The following DUSP13B variants were observed in gnomAD, a reference collection of about 807,000 sequenced individuals.
DUSP13B encodes dual specificity phosphatase 13B, also known as dual specificity protein phosphatase 13B.
the DUSP13B span, chr10:75,097,684 C>A: frequency 2.0e-6 from 3 of 1,526,118 alleles, no homozygotes; most frequent in Non-Finnish European, 2.7e-6. Context: ...CTTCCGCCAT[C>A]CCCACTCCTA....
the DUSP13B span, among the ~76,000 whole-genome samples, chr10:75,102,162 A>T: frequency 0.18 from 27,657 of 152,200 alleles, 2,734 homozygotes; most frequent in East Asian, 0.24. Flanking sequence ...ACTGTGGCAT[A>T]TTGTGTACAT....
the DUSP13B span, chr10:75,102,044 C>T: frequency 1.5e-5 from 16 of 1,102,724 alleles, no homozygotes; most frequent in South Asian, 1.7e-4. Flanking sequence ...AACTTGTCCA[C>T]TGGTTCCATG....
chr10:75,106,101 C>CTT, the DUSP13B span, among the ~76,000 whole-genome samples: 9 of 123,020 alleles, frequency 7.3e-5, no homozygotes, highest in African/African-American at 9.6e-5. Context: ...TCTTTCTTTT[C>CTT]TTTTTTTTTT....
chr10:75,094,674 GA>G, the DUSP13B span: 1 of 1,613,376 alleles, frequency 6.2e-7, no homozygotes, highest in Non-Finnish European at 8.5e-7. Flanking sequence ...CTGCCTGCCA[GA>G]TCAGAACCGC....
At chr10:75,094,521 C>A in the DUSP13B span, 3 of 746,686 alleles carry the variant, frequency 4.0e-6, no homozygotes, top group South Asian at 5.6e-5. Context: ...GGAAATCCAC[C>A]CGCTAAGAGG....
chr10:75,101,844 C>G, the DUSP13B span: 978 of 1,362,642 alleles, frequency 7.2e-4, 1 homozygote, highest in East Asian at 9.1e-4. Flanking sequence ...CCTACCCCCC[C>G]CAAATTAGGA....
the DUSP13B span, chr10:75,098,937 C>T: frequency 1.5e-5 from 18 of 1,223,446 alleles, no homozygotes; most frequent in Non-Finnish European, 1.6e-5. Context: ...TTTGGGGCCT[C>T]CAGAGAGTGG....
chr10:75,102,842 C>G, the DUSP13B span, among the ~76,000 whole-genome samples: 1 of 152,148 alleles, frequency 6.6e-6, no homozygotes, highest in Non-Finnish European at 1.5e-5. Context: ...ATCCCAGCTA[C>G]TCGGGAGCCT....
chr10:75,099,572 G>C, the DUSP13B span: 47 of 1,211,580 alleles, frequency 3.9e-5, no homozygotes, highest in Non-Finnish European at 4.5e-5. Flanking sequence ...GGGCGCCCAT[G>C]GGGGGTGGGG....
At chr10:75,106,553 A>G in the DUSP13B span, among the ~76,000 whole-genome samples, 1 of 152,082 alleles carries the variant, frequency 6.6e-6, no homozygotes, top group African/African-American at 2.4e-5. Context: ...TTACCCATGG[A>G]TACCTTTGTA....
chr10:75,104,125 A>T, the DUSP13B span: 11 of 1,314,820 alleles, frequency 8.4e-6, no homozygotes, highest in South Asian at 1.3e-4. Context: ...TCTGTGTTAC[A>T]GGCAGGTGAA....
At chr10:75,094,699 C>G in the DUSP13B span, 8 of 1,614,098 alleles carry the variant, frequency 5.0e-6, no homozygotes, top group Non-Finnish European at 5.9e-6. Flanking sequence ...GTCTCCCGCC[C>G]CAGTCGGTTG....
chr10:75,103,871 C>T, the DUSP13B span: 2 of 1,295,540 alleles, frequency 1.5e-6, no homozygotes, highest in South Asian at 2.5e-5. Flanking sequence ...GAGGGCTTGG[C>T]TGAGAGGGGA....
chr10:75,096,227 C>G, the DUSP13B span, among the ~76,000 whole-genome samples: 1 of 151,976 alleles, frequency 6.6e-6, no homozygotes, highest in Non-Finnish European at 1.5e-5. Context: ...TGCACTCTAG[C>G]CTGGGCAACA....
the DUSP13B span, among the ~76,000 whole-genome samples, chr10:75,097,382 G>A: frequency 2.6e-5 from 4 of 152,164 alleles, no homozygotes; most frequent in South Asian, 8.3e-4. Flanking sequence ...CTAATTTTTT[G>A]TATTTTTAGT....
At chr10:75,104,123 A>C in the DUSP13B span, 3 of 1,318,094 alleles carry the variant, frequency 2.3e-6, no homozygotes, top group Non-Finnish European at 3.0e-6. Context: ...GCTCTGTGTT[A>C]CAGGCAGGTG....
the DUSP13B span, among the ~76,000 whole-genome samples, chr10:75,100,700 A>G: frequency 6.6e-6 from 1 of 152,090 alleles, no homozygotes; most frequent in Non-Finnish European, 1.5e-5. Flanking sequence ...CGCTCAGCAG[A>G]GCAGCTGCCT....
chr10:75,108,300 C>T, the DUSP13B span: 3 of 1,498,344 alleles, frequency 2.0e-6, no homozygotes, highest in Non-Finnish European at 2.6e-6. Flanking sequence ...AGGGACCGAG[C>T]CATTAGGGTC....
the DUSP13B span, chr10:75,097,896 G>A: frequency 1.9e-6 from 3 of 1,575,660 alleles, no homozygotes; most frequent in Non-Finnish European, 2.6e-6. Flanking sequence ...CTGGAACAGA[G>A]TGGACACCGC....
Sources: gnomAD v4.1 joint callset for allele counts (sites outside exome capture counted in the v4.1 genomes callset) on GRCh38, gnomAD v4.1.1 for gene constraint, MANE v1.5 for transcripts, NCBI Gene and HGNC (gene_info 2026-07-23, HGNC 2026-07-21) for gene names.